Variants in GRK3 observed in about 807,000 individuals in gnomAD.
GRK3 encodes adrenergic, beta, receptor kinase 2.
In GRK3, 54 loss-of-function variants were observed where a neutral mutation model predicts 95.7. The ratio of observed to expected loss-of-function variants is 0.56; its 90% CI spans 0.45 to 0.71. The LOEUF (loss-of-function observed/expected upper bound fraction) is 0.71. GRK3 is among the 30% of genes least tolerant of loss of function. The pLI, the probability that GRK3 is intolerant of heterozygous loss-of-function variation, is 0.00. For missense variants in GRK3, 649 were observed against 851.2 expected (o/e 0.76, Z 2.96); for synonymous variants, 281 against 290.8 (o/e 0.97, Z 0.34).
intron 13 of GRK3, chr22:25,702,821 G>A (rs914665325): frequency 4.4e-6 from 2 of 455,830 alleles, no homozygotes; most frequent in Non-Finnish European, 8.8e-6. Context: ...TGAAGTATGC[G>A]GCTTGATCCC....
At chr22:25,660,088 G>C (rs1432966781) in intron 3 of GRK3, among the ~76,000 whole-genome samples, 3 of 152,162 alleles carry the variant, frequency 2.0e-5, no homozygotes, top group African/African-American at 7.2e-5. Context: ...TTTTATCCTA[G>C]CATTCTGGCA....
chr22:25,606,381 C>T (rs1196123973), intron 2 of GRK3, among the ~76,000 whole-genome samples: 4 of 152,148 alleles, frequency 2.6e-5, no homozygotes, highest in East Asian at 1.9e-4. Flanking sequence ...TACGTTTTGA[C>T]GGAGCTGTCT....
chr22:25,716,941 G>C (rs1157789163), intron 18 of GRK3, among the ~76,000 whole-genome samples: 1 of 152,198 alleles, frequency 6.6e-6, no homozygotes, highest in Non-Finnish European at 1.5e-5. Flanking sequence ...GAGGGATCTA[G>C]GTTACGTGCT....
intron 1 of GRK3, among the ~76,000 whole-genome samples, chr22:25,577,171 A>G (rs919793594): frequency 6.6e-6 from 1 of 151,672 alleles, no homozygotes; most frequent in Admixed American, 6.6e-5. Context: ...TCTAGATACA[A>G]TAAAGGATTT....
intron 3 of GRK3, among the ~76,000 whole-genome samples, chr22:25,657,897 T>C (rs539580503): frequency 6.6e-6 from 1 of 152,272 alleles, no homozygotes; most frequent in East Asian, 1.9e-4. Context: ...TTTCTTTTCT[T>C]TAGATTGGAT....
At chr22:25,700,209 G>A (rs1286167615) in intron 13 of GRK3, among the ~76,000 whole-genome samples, 1 of 152,226 alleles carries the variant, frequency 6.6e-6, no homozygotes, top group African/African-American at 2.4e-5. Flanking sequence ...CCGCTCATAT[G>A]TGCTATCTTT....
chr22:25,699,136 G>T (rs1056503645), intron 13 of GRK3, among the ~76,000 whole-genome samples: 4 of 152,176 alleles, frequency 2.6e-5, no homozygotes, highest in African/African-American at 9.7e-5. Context: ...CACTGCCTCA[G>T]CTGTGAACAA....
At chr22:25,652,504 C>A (rs1326346358) in intron 3 of GRK3, among the ~76,000 whole-genome samples, 5 of 152,052 alleles carry the variant, frequency 3.3e-5, no homozygotes, top group Non-Finnish European at 1.5e-5. Flanking sequence ...TAATCTAGAA[C>A]TAAATTGCAT....
chr22:25,572,469 C>T (rs1186751984), intron 1 of GRK3, among the ~76,000 whole-genome samples: 7 of 152,182 alleles, frequency 4.6e-5, no homozygotes, highest in Non-Finnish European at 7.3e-5. Context: ...TACAGTCCCA[C>T]CAACAGTGTA....
chr22:25,633,804 G>A (rs1011014036), intron 2 of GRK3, among the ~76,000 whole-genome samples: 3 of 151,898 alleles, frequency 2.0e-5, no homozygotes, highest in Admixed American at 6.5e-5. Context: ...TAATGCTTTG[G>A]TTGGTCAAAC....
chr22:25,672,143 G>C (rs928872378), intron 6 of GRK3, among the ~76,000 whole-genome samples, 153 bp from the exon 7 acceptor site: 49 of 152,256 alleles, frequency 3.2e-4, no homozygotes, highest in Non-Finnish European at 6.0e-4. Context: ...CCATGAATAC[G>C]GGTGAATGCT....
chr22:25,670,881 C>CAAAAAAAAAAA (rs71191074), intron 6 of GRK3, among the ~76,000 whole-genome samples: 7 of 65,634 alleles, frequency 1.1e-4, no homozygotes, highest in East Asian at 4.0e-4. Flanking sequence ...ACTAAAAATA[C>CAAAAAAAAAAA]AAAAAAAAAA....
At chr22:25,572,870 CAT>C (rs1229081995) in intron 1 of GRK3, among the ~76,000 whole-genome samples, 2 of 152,142 alleles carry the variant, frequency 1.3e-5, no homozygotes, top group Non-Finnish European at 2.9e-5. Context: ...ATATGAATAA[CAT>C]AGGATTGTAG....
At chr22:25,597,532 C>T (rs918298306) in intron 1 of GRK3, among the ~76,000 whole-genome samples, 3 of 152,064 alleles carry the variant, frequency 2.0e-5, no homozygotes, top group African/African-American at 7.3e-5. Flanking sequence ...TCGTATGTAT[C>T]AAAATATCAC....
intron 2 of GRK3, among the ~76,000 whole-genome samples, chr22:25,605,267 G>A (rs2084436704): frequency 6.6e-6 from 1 of 152,238 alleles, no homozygotes. Flanking sequence ...GCACTGTGTG[G>A]AAAGTGATTG....
At chr22:25,665,186 C>T (rs916144191) in intron 5 of GRK3, among the ~76,000 whole-genome samples, 10 of 152,166 alleles carry the variant, frequency 6.6e-5, no homozygotes, top group Non-Finnish European at 8.8e-5. Context: ...TTGCTTTGTA[C>T]GAGGCCCGCC....
intron 1 of GRK3, among the ~76,000 whole-genome samples, chr22:25,572,004 C>T (rs2146311190): frequency 6.6e-6 from 1 of 151,886 alleles, no homozygotes; most frequent in African/African-American, 2.4e-5. Context: ...CTATCCCTAC[C>T]CCTTCCCCCC....
intron 1 of GRK3, among the ~76,000 whole-genome samples, chr22:25,567,751 G>A (rs558773476): frequency 6.6e-6 from 1 of 152,272 alleles, no homozygotes; most frequent in South Asian, 2.1e-4. Context: ...CAAATTATTT[G>A]CAGTCACTAT....
intron 12 of GRK3, among the ~76,000 whole-genome samples, chr22:25,691,563 T>C (rs1274010690): frequency 6.6e-6 from 1 of 152,256 alleles, no homozygotes; most frequent in African/African-American, 2.4e-5. Context: ...ACTTTACAAT[T>C]ATTAGGCCAG....
Sources: gnomAD v4.1 joint callset for allele counts (sites outside exome capture counted in the v4.1 genomes callset) on GRCh38, gnomAD v4.1.1 for gene constraint, MANE v1.5 for transcripts, NCBI Gene and HGNC (gene_info 2026-07-23, HGNC 2026-07-21) for gene names.